Variants in TMPRSS11F observed in about 807,000 individuals in gnomAD.
TMPRSS11F encodes transmembrane serine protease 11F.
TMPRSS11F carries 47 observed loss-of-function variants against 60.2 expected under a neutral mutation model. The observed-to-expected ratio is 0.78, with a 90% CI of 0.62 to 1.00. The LOEUF (loss-of-function observed/expected upper bound fraction) is 1.00. TMPRSS11F is among the 50% of genes least tolerant of loss of function. The probability of loss-of-function intolerance (pLI) is 0.00; values close to 1 mark genes in which losing one functional copy is unlikely to be tolerated. For synonymous variants in TMPRSS11F, 166 were observed against 167.3 expected (o/e 0.99, Z 0.06); for missense variants, 519 against 522.9 (o/e 0.99, Z 0.07).
chr4:68,125,251 C>T (rs1005961112), intron 1 of TMPRSS11F, among the ~76,000 whole-genome samples: 3 of 151,510 alleles, frequency 2.0e-5, no homozygotes, highest in African/African-American at 7.2e-5. Flanking sequence ...ATGTGGGCTG[C>T]TCCCATCACC....
chr4:68,059,413 C>T lies in TMPRSS11F; in HGVS notation c.1071G>A (p.Val357=). ...QARVETISTD[V]CNRKDVYDGL... is the part of the protein sequence containing the mutation. ...CATCATACACATCCTTTCTGTTACA[C>T]ACATCAGTGCTTATGGTTTCCACTC... The change falls in exon 9 of 10, where the codon GTG becomes GTA. Residue 357 remains valine (V), a synonymous_variant. Coordinates refer to ENST00000356291, the MANE Select transcript of TMPRSS11F (RefSeq NM_207407.2). 6.2e-7 allele frequency: 1 copy of T among 1,613,918 alleles called. No individual in the cohort carries two copies. The highest frequency in any genetic ancestry group is 1.7e-4 in the Middle Eastern group (1 of 6,058).
At chr4:68,128,138 C>A (rs1316172020) in intron 1 of TMPRSS11F, among the ~76,000 whole-genome samples, 1 of 152,102 alleles carries the variant, frequency 6.6e-6, no homozygotes, top group Non-Finnish European at 1.5e-5. Flanking sequence ...CTGACTAATT[C>A]ATTCTTTGAG....
At chr4:68,087,924 G>A (rs1254721075) in intron 3 of TMPRSS11F, among the ~76,000 whole-genome samples, 22 of 134,266 alleles carry the variant, frequency 1.6e-4, no homozygotes, top group South Asian at 9.3e-4. Context: ...CTGTGTCCAT[G>A]TGTTCTCATT....
At chr4:68,073,716 G>A (rs1287035943) in intron 4 of TMPRSS11F, among the ~76,000 whole-genome samples, 2 of 152,160 alleles carry the variant, frequency 1.3e-5, no homozygotes, top group African/African-American at 4.8e-5. Flanking sequence ...CCTGTTTCTT[G>A]TGTTTGTTTC....
intron 2 of TMPRSS11F, among the ~76,000 whole-genome samples, chr4:68,092,520 TA>T: frequency 6.6e-6 from 1 of 152,310 alleles, no homozygotes; most frequent in Admixed American, 6.5e-5. Flanking sequence ...GTTTACAATC[TA>T]TTTGGCTGTT....
chr4:68,054,190 T>C lies in TMPRSS11F; in HGVS notation c.1159-123A>G, dbSNP rs975149920. 5.2e-6 allele frequency: 4 copies of C among 762,494 alleles called. No homozygotes were observed. In the African/African-American group the frequency reaches 5.3e-5, roughly 10 times the overall value. The allele number at this position is 762,494 out of a possible 1,614,324, so 47.2% of individuals were successfully genotyped here. A position where few individuals can be genotyped will look rare whatever the true frequency, so the allele number is the denominator to read the frequency against. On this transcript the variant is annotated intron_variant, in intron 9 of 9. Coordinates refer to ENST00000356291, the MANE Select transcript of TMPRSS11F (RefSeq NM_207407.2). ...CAGACCACAGCCAGACTACAGACTA[T>C]ATAATGGGTCTCTCAACTGAATTAA... is the stretch of plus-strand genomic sequence containing the variant.
intron 3 of TMPRSS11F, among the ~76,000 whole-genome samples, chr4:68,086,206 T>G (rs1438396513): frequency 6.6e-6 from 1 of 151,870 alleles, no homozygotes; most frequent in Non-Finnish European, 1.5e-5. Flanking sequence ...ACAATAGAAA[T>G]CATTACCAAG....
chr4:68,110,317 A>G (rs1222103235), intron 1 of TMPRSS11F, among the ~76,000 whole-genome samples: 1 of 152,158 alleles, frequency 6.6e-6, no homozygotes, highest in African/African-American at 2.4e-5. Flanking sequence ...GCTATTTTAG[A>G]TGCACAAAGG....
chr4:68,124,560 G>C (rs1164940450), intron 1 of TMPRSS11F, among the ~76,000 whole-genome samples: 1 of 152,156 alleles, frequency 6.6e-6, no homozygotes, highest in African/African-American at 2.4e-5. Flanking sequence ...TTGATTCATT[G>C]ATTCTTTTGT....
intron 2 of TMPRSS11F, 125 bp from the exon 3 acceptor site, chr4:68,090,766 T>A (rs1255688119): frequency 1.4e-6 from 2 of 1,434,744 alleles, no homozygotes; most frequent in Non-Finnish European, 9.2e-7. Flanking sequence ...GTGTAAAAAT[T>A]CTTGAAGACA....
intron 3 of TMPRSS11F, among the ~76,000 whole-genome samples, chr4:68,079,162 A>G (rs1336777084): frequency 3.3e-5 from 5 of 151,604 alleles, no homozygotes; most frequent in African/African-American, 1.2e-4. Flanking sequence ...TTTTGTTTAA[A>G]ACTCACACTA....
intron 1 of TMPRSS11F, among the ~76,000 whole-genome samples, chr4:68,106,733 C>A (rs1306346207): frequency 6.6e-6 from 1 of 152,094 alleles, no homozygotes; most frequent in Non-Finnish European, 1.5e-5. Context: ...TAGCATCCTG[C>A]TCCTTTATTG....
chr4:68,116,720 G>A (rs931083407), intron 1 of TMPRSS11F, among the ~76,000 whole-genome samples: 8 of 151,988 alleles, frequency 5.3e-5, no homozygotes, highest in African/African-American at 2.4e-5. Context: ...TTTGACAAGG[G>A]TACCAAGAAT....
chr4:68,118,848 C>A (rs1724574021), intron 1 of TMPRSS11F, among the ~76,000 whole-genome samples: 1 of 151,928 alleles, frequency 6.6e-6, no homozygotes, highest in Admixed American at 6.6e-5. Flanking sequence ...TAAATGAAGA[C>A]CTGAAGGATC....
chr4:68,061,036 C>T (rs1421402902), intron 8 of TMPRSS11F, among the ~76,000 whole-genome samples: 1 of 147,700 alleles, frequency 6.8e-6, no homozygotes, highest in Non-Finnish European at 1.5e-5. Flanking sequence ...AAAAAAGAAA[C>T]TATTTTTAAT....
At chr4:68,101,438 T>C (rs1205680613) in intron 1 of TMPRSS11F, among the ~76,000 whole-genome samples, 1 of 139,620 alleles carries the variant, frequency 7.2e-6, no homozygotes, top group Non-Finnish European at 1.6e-5. Context: ...AAGCCTGTAA[T>C]AAGCATAATA....
chr4:68,064,635 T>A (rs908711385), intron 8 of TMPRSS11F, 50 bp downstream of exon 8: 1 of 1,582,516 alleles, frequency 6.3e-7, no homozygotes, highest in South Asian at 1.2e-5. Context: ...GATAGCTCGT[T>A]TGATCTCAAG....
rs112719073 is a variant in TMPRSS11F, at chr4:68,084,602, A to T, written c.282+5921T>A. 3.0e-3 allele frequency among the ~76,000 whole-genome samples: 458 copies of T among 152,336 alleles called. 5 individuals are homozygous for T. The highest frequency in any genetic ancestry group is 0.011 in the African/African-American group (444 of 41,576). On this transcript the variant is annotated intron_variant, in intron 3 of 9. Transcript: ENST00000356291. Reference sequence around the variant, plus strand: ...AGGAGAAATAAAATCATTTTCAGATATGCAAAAGCTAAGAGAATTCGTTAC... The same window carrying T: ...AGGAGAAATAAAATCATTTTCAGATTTGCAAAAGCTAAGAGAATTCGTTAC...
In TMPRSS11F at chr4:68,084,716, A is replaced by T. The variant is rs374402123; in HGVS notation, c.282+5807T>A. On this transcript the variant is annotated intron_variant, in intron 3 of 9. Transcript: ENST00000356291. ...AGCTACCACAGAAACACATTTATTT[A>T]TTTATTTATTTTTTTATGTTCTTTT... 3.3e-5 allele frequency among the ~76,000 whole-genome samples: 5 copies of T among 150,826 alleles called. No individual in the cohort carries two copies. The East Asian group carries it at 9.7e-4, about 29-fold the overall frequency.
Sources: allele counts gnomAD v4.1 joint callset (sites outside exome capture counted in the v4.1 genomes callset), GRCh38; gene constraint gnomAD v4.1.1; transcripts MANE v1.5; gene names NCBI Gene and HGNC (gene_info 2026-07-23, HGNC 2026-07-21).